The following TRIP11 variants were observed in gnomAD, a reference collection of about 807,000 sequenced individuals.
TRIP11 encodes thyroid hormone receptor interactor 11, also known as thyroid receptor-interacting protein 11.
Under a neutral mutation model 223.1 loss-of-function variants are expected in TRIP11, and 148 were observed. The observed-to-expected ratio is 0.66, with a 90% confidence interval of 0.58 to 0.76. The LOEUF (loss-of-function observed/expected upper bound fraction) is 0.76. Among genes scored for constraint, TRIP11 ranks in the 30% least tolerant of loss-of-function variants. The pLI, the probability that TRIP11 is intolerant of heterozygous loss-of-function variation, is 0.00. For synonymous variants in TRIP11, 762 were observed against 772.6 expected (o/e 0.99, Z 0.23); for missense variants, 2,043 against 2,222.0 (o/e 0.92, Z 1.62).
intron 9 of TRIP11, among the ~76,000 whole-genome samples, chr14:92,009,972 T>G (rs2056951212): frequency 6.6e-6 from 1 of 152,236 alleles, no homozygotes; most frequent in African/African-American, 2.4e-5. Flanking sequence ...ATGTATGTTT[T>G]CTGAACACAT....
Position 92,006,307 on chromosome 14 carries a change from A to G in TRIP11, c.1669T>C (p.Leu557=). Residue 557 remains leucine, a synonymous_variant, in exon 11 of 21, where the codon TTA becomes CTA. Coordinates refer to ENST00000267622, the MANE Select transcript of TRIP11 (RefSeq NM_004239.4). ...ATTAGCTTTTCTTTCTGTACATCTA[A>G]CTCTTTAGTAATGTCCATTTTATCA... ...EDDKMDITKE[L]DVQKEKLIQS... 6.2e-7 allele frequency: 1 copy of G among 1,609,390 alleles called. No homozygotes were observed. Among genetic ancestry groups the G allele is most frequent in the South Asian group, 1.1e-5 (1 of 89,982 alleles).
intron 13 of TRIP11, among the ~76,000 whole-genome samples, chr14:91,998,769 A>G (rs987347441): frequency 6.6e-6 from 1 of 152,038 alleles, no homozygotes; most frequent in Non-Finnish European, 1.5e-5. Context: ...CGGGTCACTC[A>G]AGAGTGCTAA....
chr14:92,011,006 A>T lies in TRIP11; in HGVS notation c.1294T>A (p.Ser432Thr). ...MRIEVLEKEK[S>T]LLSQEKEELQ... Reference sequence around the variant, plus strand: ...CCCACCTTTTCTTGACTCAGTAATGACTTCTCTTTTTCTAAAACTTCGATA... The same window carrying T: ...CCCACCTTTTCTTGACTCAGTAATGTCTTCTCTTTTTCTAAAACTTCGATA... The change falls in exon 9 of 21, where the codon TCA (serine) becomes ACA (threonine). Residue 432 changes from serine to threonine, a missense_variant. Ser to Thr is a moderately conservative substitution (Grantham distance 58). Transcript: ENST00000267622. 1 of 1,613,880 alleles carries T rather than the reference A, an allele frequency of 6.2e-7. No homozygotes were observed.
chr14:91,975,092 T>A (rs1432187029), intron 18 of TRIP11, 80 bp downstream of exon 18: 1 of 1,276,946 alleles, frequency 7.8e-7, no homozygotes, highest in African/African-American at 1.5e-5. Context: ...AAAAGTTACA[T>A]ACAGTAAAAG....
chr14:92,024,165 G>C (rs1482827559), intron 3 of TRIP11, among the ~76,000 whole-genome samples: 2 of 152,110 alleles, frequency 1.3e-5, no homozygotes, highest in African/African-American at 4.8e-5. Context: ...ATCACCTGAG[G>C]TCAGGAGTTC....
At chr14:92,003,068 A>C (rs2056848214) in intron 11 of TRIP11, among the ~76,000 whole-genome samples, 1 of 152,212 alleles carries the variant, frequency 6.6e-6, no homozygotes, top group African/African-American at 2.4e-5. Context: ...ATATATAAGA[A>C]TCTCTAAAAT....
intron 2 of TRIP11, 89 bp from the exon 3 acceptor site, chr14:92,025,509 T>TCCCC (rs771312948): frequency 1.7e-5 from 13 of 777,984 alleles, no homozygotes; most frequent in African/African-American, 3.7e-5. Flanking sequence ...CGTACTGCTT[T>TCCCC]CCCCCCCCAA....
chr14:92,018,885 T>C (rs2057071828), intron 4 of TRIP11, among the ~76,000 whole-genome samples: 1 of 139,304 alleles, frequency 7.2e-6, no homozygotes, highest in East Asian at 2.2e-4. Context: ...TGCTTGAACC[T>C]GGGAGGCAGA....
intron 20 of TRIP11, among the ~76,000 whole-genome samples, chr14:91,972,347 A>G (rs1389335401): frequency 6.6e-6 from 1 of 152,262 alleles, no homozygotes; most frequent in African/African-American, 2.4e-5. Context: ...AACTCGGATT[A>G]GCAAGAACCA....
chr14:92,013,775 GT>G (rs2057002731), intron 7 of TRIP11, among the ~76,000 whole-genome samples: 1 of 152,116 alleles, frequency 6.6e-6, no homozygotes, highest in South Asian at 2.1e-4. Context: ...ATTTACTGGT[GT>G]TTGGCCTATT....
intron 15 of TRIP11, among the ~76,000 whole-genome samples, chr14:91,989,989 G>A (rs2140099213): frequency 6.6e-6 from 1 of 152,150 alleles, no homozygotes; most frequent in Admixed American, 6.6e-5. Flanking sequence ...TTTGATGTGG[G>A]CTTCCCATCT....
chr14:91,995,643 T>G, intron 13 of TRIP11, 128 bp from the exon 14 acceptor site: 1 of 909,882 alleles, frequency 1.1e-6, no homozygotes, highest in Non-Finnish European at 1.6e-6. Flanking sequence ...TGAGACAGAG[T>G]CTCGCTCTGT....
chr14:92,017,511 A>C (rs1192547896), intron 5 of TRIP11, among the ~76,000 whole-genome samples, 171 bp downstream of exon 5: 1 of 152,160 alleles, frequency 6.6e-6, no homozygotes, highest in Non-Finnish European at 1.5e-5. Context: ...ATGCCACTGC[A>C]CTCCAGCCAG....
rs2056367126 is a variant in TRIP11 at position 91,968,896 on chromosome 14, C to A, written c.*777G>T. ...TGGCAATGATTATGAGAGGGCAACA[C>A]AGGGGGATGCTTGTAATGGAAGTCT... On this transcript the variant is annotated 3_prime_UTR_variant, in exon 21 of 21. Transcript: ENST00000267622. 1 of 232,868 alleles carries A rather than the reference C, an allele frequency of 4.3e-6. No homozygotes were observed. The highest frequency in any genetic ancestry group is 2.2e-5 in the African/African-American group (1 of 45,232). 14.4% of individuals were successfully genotyped at this position (232,868 alleles called of 1,614,324 possible). A position where few individuals can be genotyped will look rare whatever the true frequency, so the allele number is the denominator to read the frequency against.
At chr14:91,999,906 G>A (rs1438556657) in intron 12 of TRIP11, 62 bp downstream of exon 12, 13 of 1,598,204 alleles carry the variant, frequency 8.1e-6, no homozygotes, top group Non-Finnish European at 1.1e-5. Flanking sequence ...CACCTTTCCA[G>A]TTCTCTTAAT....
At position 92,011,633 on chromosome 14, in the gene TRIP11, A is replaced by C; in HGVS notation, c.1227+122T>G. The C allele has an allele frequency of 2.2e-5, 17 of 778,526 alleles. 1 individual carries two copies. The South Asian group carries it at 2.8e-4, about 13-fold the overall frequency. 48.2% of individuals were successfully genotyped at this position (778,526 alleles called of 1,614,324 possible). A position where few individuals can be genotyped will look rare whatever the true frequency, so the allele number is the denominator to read the frequency against. On this transcript the variant is annotated intron_variant, in intron 8 of 20. Transcript: ENST00000267622. ...AAAATATATTTACAAAATAACTTCT[A>C]ATTATTAGAAAAAGAAACAACTCTT...
intron 1 of TRIP11, among the ~76,000 whole-genome samples, chr14:92,034,516 C>A (rs923723376): frequency 6.6e-6 from 1 of 152,098 alleles, no homozygotes; most frequent in African/African-American, 2.4e-5. Flanking sequence ...AACTTCTGCT[C>A]TCAATACTAT....
At chr14:92,029,280 A>ATTATTTTTTTTTTT (rs2057230210) in intron 2 of TRIP11, among the ~76,000 whole-genome samples, 2 of 76,762 alleles carry the variant, frequency 2.6e-5, no homozygotes, top group African/African-American at 1.2e-4. Flanking sequence ...CCAAAGTATT[A>ATTATTTTTTTTTTT]TTTTTTTTTT....
rs2057364755 is a variant in TRIP11 at position 92,039,773 on chromosome 14, G to A, written c.-88C>T. On this transcript the variant is annotated 5_prime_UTR_variant, in exon 1 of 21. Transcript: ENST00000267622. ...GCGATCCGACCAAATATCCTTGAAC[G>A]CCTGCCTTCGCGAGACAGGATACGA... 7 of 1,552,198 alleles carry A rather than the reference G, an allele frequency of 4.5e-6. No individual in the cohort carries two copies. Among genetic ancestry groups the A allele is most frequent in the Non-Finnish European group, 4.4e-6 (5 of 1,147,820 alleles).
Sources: allele counts gnomAD v4.1 joint callset (sites outside exome capture counted in the v4.1 genomes callset), GRCh38; gene constraint gnomAD v4.1.1; transcripts MANE v1.5; gene names NCBI Gene and HGNC (gene_info 2026-07-23, HGNC 2026-07-21).